ADGRF4: variants seen among roughly 807,000 people sequenced by gnomAD.
ADGRF4 encodes the protein adhesion G protein-coupled receptor F4, also known as G-protein coupled receptor PGR18.
Under a neutral mutation model 58.5 loss-of-function variants are expected in ADGRF4, and 63 were observed. The observed-to-expected ratio is 1.08, with a 90% CI of 0.88 to 1.33. ADGRF4 has a LOEUF of 1.33. ADGRF4 is among the 40% of genes most tolerant of loss of function. The pLI is 0.00. For missense variants in ADGRF4, 931 were observed against 843.9 expected (o/e 1.10, Z -1.28); for synonymous variants, 313 against 295.4 (o/e 1.06, Z -0.61).
In ADGRF4 at chr6:47,707,311, C is replaced by T; in HGVS notation, c.66C>T (p.Ser22=). 1.9e-6 allele frequency: 3 copies of T among 1,611,830 alleles called. No individual in the cohort carries two copies. Among genetic ancestry groups the T allele is most frequent in the Non-Finnish European group, 2.5e-6 (3 of 1,177,928 alleles). Residue 22 remains serine (S), a synonymous_variant, in exon 2 of 10, where the codon TCC becomes TCT. Coordinates refer to ENST00000283303, the MANE Select transcript of ADGRF4 (RefSeq NM_153838.5). The part of the protein sequence containing the change: ...CLVFFLSTEC[S]HYRSKIHLKA... ...TGTTCTTTCTGTCCACAGAATGTTCCCACTATAGATCCAAGATTCACCTAA... is the reference window on the plus strand; with the variant it reads ...TGTTCTTTCTGTCCACAGAATGTTCTCACTATAGATCCAAGATTCACCTAA...
chr6:47,713,194 G>A (rs1225864507), intron 5 of ADGRF4, among the ~76,000 whole-genome samples: 1 of 152,136 alleles, frequency 6.6e-6, no homozygotes, highest in Non-Finnish European at 1.5e-5. Flanking sequence ...AGAGTCCATG[G>A]AAAAATTGTC....
intron 6 of ADGRF4, among the ~76,000 whole-genome samples, chr6:47,715,932 AT>A (rs1398677481): frequency 6.6e-6 from 1 of 152,022 alleles, no homozygotes; most frequent in Non-Finnish European, 1.5e-5. Flanking sequence ...GAGCACATTT[AT>A]TATACTCTTT....
intron 1 of ADGRF4, among the ~76,000 whole-genome samples, chr6:47,700,044 C>T (rs746218816): frequency 7.2e-5 from 11 of 151,972 alleles, no homozygotes; most frequent in Non-Finnish European, 1.2e-4. Context: ...GAGTAAGAGG[C>T]GAATTGCCAC....
At chr6:47,710,615 C>G in intron 3 of ADGRF4, 120 bp from the exon 4 acceptor site, 1 of 948,664 alleles carries the variant, frequency 1.1e-6, no homozygotes, top group South Asian at 1.7e-5. Context: ...CCAGTTCAAC[C>G]CAATTGCCTC....
At chr6:47,702,935 A>T (rs1198725810) in intron 1 of ADGRF4, among the ~76,000 whole-genome samples, 1 of 152,232 alleles carries the variant, frequency 6.6e-6, no homozygotes, top group Non-Finnish European at 1.5e-5. Flanking sequence ...GTTAGCCCCC[A>T]TCAGGCTCCC....
chr6:47,707,572 T>C (rs904645345), intron 2 of ADGRF4, among the ~76,000 whole-genome samples: 4 of 152,294 alleles, frequency 2.6e-5, no homozygotes, highest in African/African-American at 9.6e-5. Flanking sequence ...GAAATGTAGA[T>C]AGAATGTAGA....
rs767262097 is a variant in ADGRF4 at position 47,715,118 on chromosome 6, C to G, written c.1873C>G (p.Leu625Val). Residue 625 changes from leucine (L) to valine (V), a missense_variant, in exon 6 of 10, where the codon CTC becomes GTC. Leu to Val is a conservative substitution (Grantham distance 32, BLOSUM62 1). Transcript: ENST00000283303. ...GACCTGGGGTTTTGGAATAGCCACT[C>G]TCATAGAAGGCACTTCCTTGACGTT... ...GLTWGFGIATLIEGTSLTFHI... is the reference protein window; with the variant it reads ...GLTWGFGIATVIEGTSLTFHI... 3.7e-6 allele frequency: 6 copies of G among 1,604,048 alleles called. No homozygotes were observed. The highest frequency in any genetic ancestry group is 3.4e-6 in the Non-Finnish European group (4 of 1,171,534).
intron 4 of ADGRF4, 54 bp downstream of exon 4, chr6:47,710,940 G>A: frequency 6.5e-7 from 1 of 1,550,280 alleles, no homozygotes; most frequent in Non-Finnish European, 8.8e-7. Context: ...GCAGAAAGTA[G>A]ACACATTTTT....
In ADGRF4 at chr6:47,716,663, C is replaced by T. The variant is rs549644684; in HGVS notation, c.1933-143C>T. On this transcript the variant is annotated intron_variant, in intron 6 of 9. Coordinates refer to ENST00000283303, the MANE Select transcript of ADGRF4 (RefSeq NM_153838.5). The stretch of plus-strand genomic sequence containing the variant: ...AGACTCAAAGGAACACCCATCAGTG[C>T]ATTTTTATCTGCATTAGTGGAAACT... The T allele has an allele frequency of 1.3e-5, 9 of 671,740 alleles. No homozygotes were observed. In the African/African-American group the frequency reaches 1.7e-4, roughly 12 times the overall value. The allele number at this position is 671,740 out of a possible 1,614,324, so 41.6% of individuals were successfully genotyped here. A position where few individuals can be genotyped will look rare whatever the true frequency, so the allele number is the denominator to read the frequency against.
intron 1 of ADGRF4, among the ~76,000 whole-genome samples, chr6:47,702,391 A>G (rs891597807): frequency 1.3e-5 from 2 of 152,206 alleles, no homozygotes; most frequent in African/African-American, 4.8e-5. Context: ...CAAATACAGT[A>G]GACACAAAAG....
rs1771945552 is a variant in ADGRF4 at position 47,714,211 on chromosome 6, A to G, written c.966A>G (p.Ser322=). The G allele has an allele frequency of 1.9e-6, 3 of 1,614,042 alleles. No homozygotes were observed. The highest frequency in any genetic ancestry group is 1.3e-5 in the African/African-American group (1 of 74,934). ...GACAGGTAAATGGTCTGGTGCTATC[A>G]GTGGTTTTACCAGAAAGGTTGCAAG... is the stretch of plus-strand genomic sequence containing the variant. ...LPRQVNGLVL[S]VVLPERLQEI... The change falls in exon 6 of 10, where the codon TCA becomes TCG. Residue 322 remains serine, a synonymous_variant. Coordinates refer to ENST00000283303, the MANE Select transcript of ADGRF4 (RefSeq NM_153838.5).
At chr6:47,711,838 G>C (rs778123334) in intron 4 of ADGRF4, among the ~76,000 whole-genome samples, 1 of 152,124 alleles carries the variant, frequency 6.6e-6, no homozygotes, top group Non-Finnish European at 1.5e-5. Context: ...AGAAGTCCTT[G>C]CAACTATGGT....
In ADGRF4 at chr6:47,707,377, C is replaced by G. The variant is rs79068273; in HGVS notation, c.93+39C>G. The stretch of plus-strand genomic sequence containing the variant: ...ATTCCTATGTGATCCGAGGAGAAAT[C>G]TCTCAGTTGCCCTCAATGGCAAGAC... On this transcript the variant is annotated intron_variant, in intron 2 of 9. Coordinates refer to ENST00000283303, the MANE Select transcript of ADGRF4 (RefSeq NM_153838.5). 1,962 of 1,209,492 alleles carry G rather than the reference C, an allele frequency of 1.6e-3. 19 individuals are homozygous for G. The highest frequency in any genetic ancestry group is 0.013 in the African/African-American group (886 of 67,218). 74.9% of individuals were successfully genotyped at this position (1,209,492 alleles called of 1,614,324 possible). A position where few individuals can be genotyped will look rare whatever the true frequency, so the allele number is the denominator to read the frequency against.
chr6:47,707,873 A>T (rs1304416551), intron 2 of ADGRF4, among the ~76,000 whole-genome samples: 1 of 152,146 alleles, frequency 6.6e-6, no homozygotes, highest in South Asian at 2.1e-4. Flanking sequence ...ACTTCATTTC[A>T]TCCTTACAGT....
intron 4 of ADGRF4, 105 bp from the exon 5 acceptor site, chr6:47,712,252 C>A: frequency 2.7e-6 from 3 of 1,118,038 alleles, no homozygotes; most frequent in Non-Finnish European, 3.9e-6. Flanking sequence ...GGACTCTTTG[C>A]TTCTCCATCT....
chr6:47,717,042 A>G (rs565859561), intron 7 of ADGRF4, among the ~76,000 whole-genome samples, 195 bp downstream of exon 7: 2 of 152,294 alleles, frequency 1.3e-5, no homozygotes, highest in African/African-American at 4.8e-5. Context: ...AGTCAACAGG[A>G]GGCTGTGTGC....
intron 1 of ADGRF4, among the ~76,000 whole-genome samples, chr6:47,705,217 G>T (rs1025705287): frequency 1.3e-5 from 2 of 152,190 alleles, no homozygotes; most frequent in Non-Finnish European, 2.9e-5. Flanking sequence ...ATGAGTTGCC[G>T]TGCCCGGCCT....
Position 47,717,370 on chromosome 6 carries a change from GTC to G in ADGRF4, c.2034+22_2034+23del. 6.4e-7 allele frequency: 1 copy of G among 1,574,126 alleles called. No homozygotes were observed. The highest frequency in any genetic ancestry group is 8.7e-7 in the Non-Finnish European group (1 of 1,143,512). On this transcript the variant is annotated intron_variant, in intron 8 of 9. Transcript: ENST00000283303. ...AGCTGAGGTAAGCCTTCCCCTTTTA[GTC>G]TCAGCCCTGGAGAGTCCGTGTCCTT...
intron 8 of ADGRF4, 69 bp downstream of exon 8, chr6:47,717,420 C>A: frequency 4.1e-6 from 4 of 967,550 alleles, no homozygotes; most frequent in Non-Finnish European, 5.1e-6. Flanking sequence ...GAGACAAATA[C>A]CATAGCTCAG....
Sources: gnomAD v4.1 joint callset for allele counts (sites outside exome capture counted in the v4.1 genomes callset) on GRCh38, gnomAD v4.1.1 for gene constraint, MANE v1.5 for transcripts, NCBI Gene and HGNC (gene_info 2026-07-23, HGNC 2026-07-21) for gene names.